The following RASAL2 variants were observed in gnomAD, a reference collection of about 807,000 sequenced individuals.
RASAL2 encodes the protein RAS protein activator like 2, also known as ras GTPase-activating protein nGAP.
Under a neutral mutation model 128.9 loss-of-function variants are expected in RASAL2, and 58 were observed. The ratio of observed to expected loss-of-function variants is 0.45; its 90% CI spans 0.36 to 0.56. The LOEUF is 0.56. RASAL2 is among the 20% of genes least tolerant of loss of function. The pLI is 0.00. For synonymous variants in RASAL2, 561 were observed against 580.8 expected (o/e 0.97, Z 0.49); for missense variants, 1,360 against 1,601.6 (o/e 0.85, Z 2.57).
chr1:178,458,654 A>C, intron 14 of RASAL2, 110 bp downstream of exon 14: 1 of 1,415,212 alleles, frequency 7.1e-7, no homozygotes, highest in Non-Finnish European at 9.4e-7. Context: ...TTCCTCTTAA[A>C]AGCAACCTTT....
intron 1 of RASAL2, among the ~76,000 whole-genome samples, chr1:178,215,621 G>A (rs1663398298): frequency 6.6e-6 from 1 of 152,186 alleles, no homozygotes; most frequent in African/African-American, 2.4e-5. Flanking sequence ...CTAATAGGTA[G>A]CAGGATTAGA....
At chr1:178,319,982 T>C (rs1668676147) in intron 3 of RASAL2, among the ~76,000 whole-genome samples, 1 of 151,902 alleles carries the variant, frequency 6.6e-6, no homozygotes, top group African/African-American at 2.4e-5. Flanking sequence ...GGTGTGGATG[T>C]CCTTTCTGTT....
At chr1:178,334,669 A>G (rs1384194567) in intron 3 of RASAL2, among the ~76,000 whole-genome samples, 1 of 152,256 alleles carries the variant, frequency 6.6e-6, no homozygotes, top group East Asian at 1.9e-4. Context: ...AAAAAAATGC[A>G]TGTCATTACA....
intron 4 of RASAL2, among the ~76,000 whole-genome samples, chr1:178,408,280 C>A (rs1440167066): frequency 6.6e-6 from 1 of 152,090 alleles, no homozygotes; most frequent in African/African-American, 2.4e-5. Flanking sequence ...TATTTACATT[C>A]TTTCTTTCCT....
At chr1:178,306,034 G>C (rs1003502850) in intron 3 of RASAL2, among the ~76,000 whole-genome samples, 1 of 152,204 alleles carries the variant, frequency 6.6e-6, no homozygotes, top group African/African-American at 2.4e-5. Context: ...AGAGTTCTCC[G>C]ACTGTTGCAT....
At chr1:178,130,421 A>C (rs1423898830) in intron 1 of RASAL2, among the ~76,000 whole-genome samples, 1 of 152,224 alleles carries the variant, frequency 6.6e-6, no homozygotes, top group Admixed American at 6.5e-5. Context: ...TGTTTGAAGG[A>C]GCATGTTTTT....
chr1:178,181,085 G>A (rs186839721), intron 1 of RASAL2, among the ~76,000 whole-genome samples: 15 of 151,706 alleles, frequency 9.9e-5, no homozygotes, highest in Non-Finnish European at 1.8e-4. Flanking sequence ...TTTTTTCCTT[G>A]ATTAATCTGG....
At chr1:178,434,777 A>G (rs926155634) in intron 5 of RASAL2, among the ~76,000 whole-genome samples, 2 of 151,924 alleles carry the variant, frequency 1.3e-5, no homozygotes, top group African/African-American at 4.8e-5. Flanking sequence ...CAGGGAGGAA[A>G]ACCTTTAAAA....
At chr1:178,273,081 T>C (rs1034675029) in intron 1 of RASAL2, among the ~76,000 whole-genome samples, 4 of 152,228 alleles carry the variant, frequency 2.6e-5, no homozygotes, top group Non-Finnish European at 5.9e-5. Context: ...TTGGAGAATA[T>C]AGACTTATTG....
chr1:178,280,000 G>T (rs1282965957), intron 1 of RASAL2, among the ~76,000 whole-genome samples: 1 of 152,012 alleles, frequency 6.6e-6, no homozygotes, highest in Non-Finnish European at 1.5e-5. Flanking sequence ...ACATACATGG[G>T]GTGAAAGATG....
At position 178,094,396 on chromosome 1, in the gene RASAL2, C is replaced by G; in HGVS notation, c.-97C>G. The G allele has an allele frequency of 1.7e-6, 2 of 1,188,384 alleles. No homozygotes were observed. Among genetic ancestry groups the G allele is most frequent in the Non-Finnish European group, 2.3e-6 (2 of 884,280 alleles). The allele number at this position is 1,188,384 out of a possible 1,614,324, so 73.6% of individuals were successfully genotyped here. On this transcript the variant is annotated 5_prime_UTR_variant, in exon 1 of 18. Coordinates refer to ENST00000367649, the MANE Select transcript of RASAL2 (RefSeq NM_170692.4). ...GCCGCTCGGGTCCCTGCCCTCGCTG[C>G]GCGCTCTCCTCCTCCCCTTACCGCA... is the stretch of plus-strand genomic sequence containing the variant.
chr1:178,132,863 G>C (rs1252587220), intron 1 of RASAL2, among the ~76,000 whole-genome samples: 2 of 151,448 alleles, frequency 1.3e-5, no homozygotes, highest in Admixed American at 1.3e-4. Context: ...CTGCCTCCCG[G>C]GTTCAAGCGA....
At chr1:178,329,060 G>A (rs1487753706) in intron 3 of RASAL2, among the ~76,000 whole-genome samples, 4 of 152,038 alleles carry the variant, frequency 2.6e-5, no homozygotes, top group Admixed American at 6.6e-5. Flanking sequence ...CACTGTTCTG[G>A]CCTGTTGAAC....
At chr1:178,106,119 T>G (rs1368509791) in intron 1 of RASAL2, among the ~76,000 whole-genome samples, 1 of 152,218 alleles carries the variant, frequency 6.6e-6, no homozygotes, top group Non-Finnish European at 1.5e-5. Flanking sequence ...AGGGATACAC[T>G]GACAAGGTGA....
intron 2 of RASAL2, among the ~76,000 whole-genome samples, chr1:178,289,014 C>G (rs1667160933): frequency 6.6e-6 from 1 of 152,124 alleles, no homozygotes; most frequent in Admixed American, 6.5e-5. Context: ...GATACCACCC[C>G]TTTCTCTTCT....
chr1:178,126,623 A>C (rs1233201673), intron 1 of RASAL2, among the ~76,000 whole-genome samples: 3 of 152,226 alleles, frequency 2.0e-5, no homozygotes, highest in Non-Finnish European at 4.4e-5. Flanking sequence ...AAATCTATTT[A>C]AATAAAAATG....
chr1:178,420,181 ATATATT>A (rs1241001851), intron 4 of RASAL2, among the ~76,000 whole-genome samples: 1 of 152,198 alleles, frequency 6.6e-6, no homozygotes, highest in African/African-American at 2.4e-5. Context: ...ATAGAAAGGA[ATATATT>A]TGTGTATGTT....
At chr1:178,117,494 A>AT (rs751174195) in intron 1 of RASAL2, among the ~76,000 whole-genome samples, 20 of 152,372 alleles carry the variant, frequency 1.3e-4, no homozygotes, top group Admixed American at 2.6e-4. Context: ...GATGTGGAAT[A>AT]TGCTATGGTC....
chr1:178,343,012 G>A (rs933203088), intron 3 of RASAL2, among the ~76,000 whole-genome samples: 2 of 152,160 alleles, frequency 1.3e-5, no homozygotes, highest in Non-Finnish European at 2.9e-5. Context: ...GACCATTGTG[G>A]GGATGAGAGG....
Sources: gnomAD v4.1 joint callset for allele counts (sites outside exome capture counted in the v4.1 genomes callset) on GRCh38, gnomAD v4.1.1 for gene constraint, MANE v1.5 for transcripts, NCBI Gene and HGNC (gene_info 2026-07-23, HGNC 2026-07-21) for gene names.